SRGAP1: variants seen among roughly 807,000 people sequenced by gnomAD.
The protein encoded by SRGAP1 is SLIT-ROBO Rho GTPase activating protein 1.
In SRGAP1, 43 loss-of-function variants were observed where a neutral mutation model predicts 121.9. The observed-to-expected ratio is 0.35, with a 90% CI of 0.28 to 0.46. SRGAP1 has a LOEUF of 0.46. Ranked by LOEUF, SRGAP1 falls within the 20% of genes least tolerant of loss-of-function variation. SRGAP1 has a pLI of 1.00. For missense variants in SRGAP1, 1,102 were observed against 1,350.9 expected, an observed-to-expected ratio of 0.82 and a Z score of 2.89; for synonymous variants, 447 against 485.4, an observed-to-expected ratio of 0.92 and a Z score of 1.04.
At chr12:64,120,096 T>G (rs1039613375) in intron 18 of SRGAP1, among the ~76,000 whole-genome samples, 3 of 152,138 alleles carry the variant, frequency 2.0e-5, no homozygotes, top group Non-Finnish European at 4.4e-5. Flanking sequence ...TTTCTACAAG[T>G]TGTATTTGAT....
chr12:63,970,161 T>C (rs1040167976), intron 1 of SRGAP1, among the ~76,000 whole-genome samples: 14 of 152,168 alleles, frequency 9.2e-5, no homozygotes, highest in Non-Finnish European at 8.8e-5. Flanking sequence ...AGGAGTGTAC[T>C]GTGTGGGCAG....
Position 64,158,695 on chromosome 12 carries a change from C to G in SRGAP1, c.*16023C>G, listed in dbSNP as rs546130428. The G allele has an allele frequency of 6.6e-6, 1 of 151,986 alleles. No individual in the cohort carries two copies. Among genetic ancestry groups the G allele is most frequent in the Non-Finnish European group, 1.5e-5 (1 of 68,056 alleles). The allele number at this position is 151,986 out of a possible 1,614,324, so 9.4% of individuals were successfully genotyped here. A position where few individuals can be genotyped will look rare whatever the true frequency, so the allele number is the denominator to read the frequency against. ...GCTGAGGCAGAAGTATCACTTGAAC[C>G]CGGGAGGTGGACGTTGCAGTGAGCC... On this transcript the variant is annotated 3_prime_UTR_variant, in exon 22 of 22. Transcript: ENST00000355086.
At chr12:63,870,941 T>C (rs1473048095) in intron 1 of SRGAP1, among the ~76,000 whole-genome samples, 1 of 152,172 alleles carries the variant, frequency 6.6e-6, no homozygotes, top group African/African-American at 2.4e-5. Flanking sequence ...TCTCTTCTCT[T>C]GATTTTATTT....
chr12:63,988,385 A>G (rs1202792931), intron 2 of SRGAP1, among the ~76,000 whole-genome samples: 1 of 152,234 alleles, frequency 6.6e-6, no homozygotes, highest in Non-Finnish European at 1.5e-5. Context: ...TACCTGTTAT[A>G]GAACCACTGC....
rs1267626434 is a variant in SRGAP1 at position 64,127,681 on chromosome 12, A to T, written c.2497A>T (p.Met833Leu). The T allele has an allele frequency of 2.5e-6, 4 of 1,614,190 alleles. No individual in the cohort carries two copies. Among genetic ancestry groups the T allele is most frequent in the East Asian group, 4.5e-5 (2 of 44,858 alleles). ...GGAAGACAAGTCCTCATCCAAGGACATGAACTCCCCGACAGACCGTCATCC... is the reference window on the plus strand; with the variant it reads ...GGAAGACAAGTCCTCATCCAAGGACTTGAACTCCCCGACAGACCGTCATCC... Reference protein sequence around the residue: ...VTEDKSSSKDMNSPTDRHPDG... With the variant: ...VTEDKSSSKDLNSPTDRHPDG... The change falls in exon 20 of 22, where the codon ATG (methionine) becomes TTG (leucine). Residue 833 changes from methionine (M) to leucine (L), a missense_variant. By Grantham distance (15) the Met-to-Leu change is conservative (BLOSUM62 2). Around this residue, in one of 3 missense-constraint regions of SRGAP1, gnomAD observed 315 missense variants for 343.1 expected, o/e 0.92. Transcript: ENST00000355086.
chr12:63,871,179 A>G (rs367831331), intron 1 of SRGAP1, among the ~76,000 whole-genome samples: 3 of 152,086 alleles, frequency 2.0e-5, no homozygotes, highest in East Asian at 3.9e-4. Flanking sequence ...TTTCCTCCCA[A>G]TTTCCCAAAG....
chr12:64,075,312 C>T (rs1032762460), intron 8 of SRGAP1, among the ~76,000 whole-genome samples: 1 of 152,228 alleles, frequency 6.6e-6, no homozygotes, highest in African/African-American at 2.4e-5. Flanking sequence ...GCACAGATCG[C>T]TCATGCTATT....
At chr12:64,062,703 G>A (rs895862496) in intron 6 of SRGAP1, among the ~76,000 whole-genome samples, 1 of 152,080 alleles carries the variant, frequency 6.6e-6, no homozygotes, top group African/African-American at 2.4e-5. Context: ...TTTTAGTAGA[G>A]ACGGGGGGTC....
At chr12:63,965,404 GA>G (rs2032762282) in intron 1 of SRGAP1, among the ~76,000 whole-genome samples, 1 of 152,122 alleles carries the variant, frequency 6.6e-6, no homozygotes, top group African/African-American at 2.4e-5. Flanking sequence ...CTTGGTAATA[GA>G]AAATCAAGCA....
chr12:64,085,340 A>G (rs1260662977), intron 10 of SRGAP1, among the ~76,000 whole-genome samples: 1 of 152,208 alleles, frequency 6.6e-6, no homozygotes, highest in African/African-American at 2.4e-5. Flanking sequence ...TGTTACTAAT[A>G]TATATTGCAT....
In SRGAP1 at chr12:64,080,389, A is replaced by C. The variant is rs139267249; in HGVS notation, c.1408+19A>C. On this transcript the variant is annotated intron_variant, in intron 10 of 21. Transcript: ENST00000355086. ...GGAGAAGGTGAGTTATCCAAAATGTATGGGAAGATGACCTGGATGATACAT... is the reference window on the plus strand; with the variant it reads ...GGAGAAGGTGAGTTATCCAAAATGTCTGGGAAGATGACCTGGATGATACAT... The C allele has an allele frequency of 1.3e-6, 2 of 1,559,248 alleles. No homozygotes were observed. Among genetic ancestry groups the C allele is most frequent in the East Asian group, 4.5e-5 (2 of 44,426 alleles).
chr12:64,087,002 A>C lies in SRGAP1; in HGVS notation c.1412A>C (p.His471Pro). 6.3e-7 allele frequency: 1 copy of C among 1,595,318 alleles called. No individual in the cohort carries two copies. Among genetic ancestry groups the C allele is most frequent in the Non-Finnish European group, 8.6e-7 (1 of 1,167,826 alleles). Residue 471 changes from histidine to proline, a missense_variant, in exon 11 of 22, where the codon CAT becomes CCT. This residue lies in a region of SRGAP1 where 747 missense variants were observed against 929.4 expected (regional missense o/e 0.80). Transcript: ENST00000355086. ...ACTTTAAATTTTTTTCCTGCAGGTC[A>C]TAGAGCTGAATATATGACTACAAGG... ...DLLQRTLGEG[H>P]RAEYMTTRPP...
At position 64,150,947 on chromosome 12, in the gene SRGAP1, A is replaced by C. The variant is rs946441539; in HGVS notation, c.*8275A>C. On this transcript the variant is annotated 3_prime_UTR_variant, in exon 22 of 22. Transcript: ENST00000355086. Reference sequence around the variant, plus strand: ...GAGAAGCTATCTCAAAAAAAAAAAAAAAAAAAAAAAAAACATGGTCAAGAT... The same window carrying C: ...GAGAAGCTATCTCAAAAAAAAAAAACAAAAAAAAAAAAACATGGTCAAGAT... 6.8e-6 allele frequency: 1 copy of C among 147,928 alleles called. No homozygotes were observed. The highest frequency in any genetic ancestry group is 2.0e-4 in the East Asian group (1 of 5,120). The allele number at this position is 147,928 out of a possible 1,614,324, so 9.2% of individuals were successfully genotyped here. A position where few individuals can be genotyped will look rare whatever the true frequency, so the allele number is the denominator to read the frequency against.
At chr12:63,917,595 T>TC (rs1481907251) in intron 1 of SRGAP1, among the ~76,000 whole-genome samples, 1 of 146,394 alleles carries the variant, frequency 6.8e-6, no homozygotes, top group African/African-American at 2.5e-5. Context: ...AAATAAGTCA[T>TC]CATCTAGGAT....
In SRGAP1 at chr12:64,142,548, G is replaced by A; in HGVS notation, c.3134G>A (p.Arg1045Lys). ...MSTFKPMVAP[R>K]MGVQLKPPAL... ...ACTTTCAAGCCTATGGTGGCACCCA[G>A]AATGGGCGTGCAGCTGAAGCCTCCA... Residue 1045 changes from arginine (R) to lysine (K), a missense_variant, in exon 22 of 22, where the codon AGA (arginine) becomes AAA (lysine). By Grantham distance (26) the Arg-to-Lys change is conservative. Coordinates refer to ENST00000355086, the MANE Select transcript of SRGAP1 (RefSeq NM_020762.4). 6.2e-7 allele frequency: 1 copy of A among 1,614,178 alleles called. No individual in the cohort carries two copies. The highest frequency in any genetic ancestry group is 1.1e-5 in the South Asian group (1 of 91,078).
chr12:64,101,465 A>C (rs976261039), intron 15 of SRGAP1, among the ~76,000 whole-genome samples: 9 of 152,110 alleles, frequency 5.9e-5, no homozygotes, highest in African/African-American at 2.2e-4. Flanking sequence ...TTTTTTTAAA[A>C]ATATGCACTA....
chr12:63,901,065 T>C (rs1187924539), intron 1 of SRGAP1, among the ~76,000 whole-genome samples: 1 of 152,026 alleles, frequency 6.6e-6, no homozygotes, highest in Non-Finnish European at 1.5e-5. Flanking sequence ...TGTTCAGTCA[T>C]TTATTTGCCA....
At chr12:63,928,741 C>T (rs1026000042) in intron 1 of SRGAP1, among the ~76,000 whole-genome samples, 7 of 151,988 alleles carry the variant, frequency 4.6e-5, no homozygotes, top group African/African-American at 1.7e-4. Context: ...AATGTGGAAT[C>T]AGTGGGAGCC....
chr12:63,987,007 G>C (rs2033436756), intron 2 of SRGAP1, among the ~76,000 whole-genome samples: 1 of 152,210 alleles, frequency 6.6e-6, no homozygotes, highest in Admixed American at 6.5e-5. Context: ...ACTTGGGTTT[G>C]AATATTGGCT....
Sources: gnomAD v4.1 joint callset for allele counts (sites outside exome capture counted in the v4.1 genomes callset) on GRCh38, gnomAD v4.1.1 for gene constraint, gnomAD v4.1.1 regional missense constraint, MANE v1.5 for transcripts, NCBI Gene and HGNC (gene_info 2026-07-23, HGNC 2026-07-21) for gene names.